ABCA13: variants seen among roughly 807,000 people sequenced by gnomAD.
The protein encoded by ABCA13 is ATP-binding cassette sub-family A member 13.
Under a neutral mutation model 478.7 loss-of-function variants are expected in ABCA13, and 476 were observed. The ratio of observed to expected loss-of-function variants is 0.99; its 90% CI spans 0.92 to 1.07. ABCA13 has a LOEUF of 1.07. ABCA13 is among the 50% of genes least tolerant of loss of function. ABCA13 has a pLI of 0.00. For synonymous variants in ABCA13, 2,252 were observed against 2,158.9 expected, an observed-to-expected ratio of 1.04 and a Z score of -1.20; for missense variants, 6,060 against 5,910.6, an observed-to-expected ratio of 1.03 and a Z score of -0.83.
At chr7:48,440,840 C>T (rs1014184643) in intron 42 of ABCA13, among the ~76,000 whole-genome samples, 3 of 151,746 alleles carry the variant, frequency 2.0e-5, no homozygotes, top group Admixed American at 6.6e-5. Context: ...AAATAAAACA[C>T]GTGCAATAAA....
chr7:48,305,548 T>G (rs1286721106), intron 23 of ABCA13, among the ~76,000 whole-genome samples: 7 of 152,206 alleles, frequency 4.6e-5, no homozygotes, highest in African/African-American at 1.7e-4. Flanking sequence ...TGAATCACTG[T>G]CCGTGTTTCC....
intron 57 of ABCA13, among the ~76,000 whole-genome samples, chr7:48,591,859 A>G (rs991595228): frequency 6.6e-6 from 1 of 151,774 alleles, no homozygotes; most frequent in African/African-American, 2.4e-5. Flanking sequence ...ATTCTAATGG[A>G]TTCTTTGGTG....
intron 5 of ABCA13, among the ~76,000 whole-genome samples, chr7:48,222,434 T>G (rs1697594249): frequency 6.6e-6 from 1 of 152,234 alleles, no homozygotes; most frequent in African/African-American, 2.4e-5. Flanking sequence ...TTTCTTGCTC[T>G]GTAATTGTTC....
chr7:48,198,481 AT>A, intron 3 of ABCA13, 121 bp downstream of exon 3: 11 of 1,167,780 alleles, frequency 9.4e-6, no homozygotes, highest in Non-Finnish European at 1.3e-5. Flanking sequence ...AAGTATAGAA[AT>A]TAAAGTTTTA....
At chr7:48,240,553 C>T (rs1790676726) in intron 9 of ABCA13, among the ~76,000 whole-genome samples, 2 of 151,980 alleles carry the variant, frequency 1.3e-5, no homozygotes, top group Admixed American at 6.6e-5. Flanking sequence ...TAAATATGTT[C>T]GTTTAGGTTT....
intron 15 of ABCA13, among the ~76,000 whole-genome samples, chr7:48,266,450 A>G (rs984476448): frequency 2.0e-5 from 3 of 151,804 alleles, no homozygotes; most frequent in Admixed American, 6.6e-5. Flanking sequence ...TTTAATATAC[A>G]TTAGGGCCAC....
intron 1 of ABCA13, among the ~76,000 whole-genome samples, chr7:48,177,775 C>T (rs1795083607): frequency 6.6e-6 from 1 of 152,172 alleles, no homozygotes; most frequent in Non-Finnish European, 1.5e-5. Flanking sequence ...AGTAATTCAA[C>T]TTCTGTTTGG....
intron 55 of ABCA13, among the ~76,000 whole-genome samples, chr7:48,577,720 G>A (rs535536440): frequency 2.4e-3 from 282 of 118,282 alleles, no homozygotes; most frequent in African/African-American, 9.3e-3. Flanking sequence ...ATGGTTAACT[G>A]TTTTTATGAG....
rs542082591 is a variant in ABCA13 at position 48,243,540 on chromosome 7, C to T, written c.1263-1036C>T. Among the ~76,000 whole-genome samples the T allele has an allele frequency of 2.2e-4, 33 of 152,274 alleles. 1 individual carries two copies. The highest frequency in any genetic ancestry group is 1.4e-3 in the Admixed American group (22 of 15,306). The stretch of plus-strand genomic sequence containing the variant: ...ATTGCTCCGCCTTGTAGGGTGATGA[C>T]GTGGGGATGGGTACCAGTTCCTGCT... On this transcript the variant is annotated intron_variant, in intron 10 of 61. Transcript: ENST00000435803.
intron 38 of ABCA13, among the ~76,000 whole-genome samples, chr7:48,395,755 A>G (rs1447422354): frequency 1.3e-5 from 2 of 152,194 alleles, no homozygotes; most frequent in Non-Finnish European, 2.9e-5. Flanking sequence ...AGCTTGCCTC[A>G]TTGTAAGCAT....
intron 55 of ABCA13, among the ~76,000 whole-genome samples, chr7:48,554,148 TG>T (rs1785564012): frequency 1.3e-5 from 2 of 152,052 alleles, no homozygotes; most frequent in South Asian, 4.1e-4. Flanking sequence ...TGTATGGATT[TG>T]TTTCTGGGAT....
intron 58 of ABCA13, among the ~76,000 whole-genome samples, chr7:48,611,668 A>G (rs1792039856): frequency 6.6e-6 from 1 of 152,136 alleles, no homozygotes; most frequent in Non-Finnish European, 1.5e-5. Context: ...TGAGAAAAGC[A>G]AGGGGGAAAT....
chr7:48,489,303 T>C lies in ABCA13; in HGVS notation c.13250T>C (p.Leu4417Ser). ...SYLNHLNNLI[L>S]WQHLPPTVDW... is the part of the protein sequence containing the mutation. ...TTAAATCATCTAAACAACCTTATTT[T>C]GTGGCAGCACCTACCCCCTACTGTG... Residue 4417 changes from leucine (L) to serine (S), a missense_variant, in exon 48 of 62, where the codon TTG (leucine) becomes TCG (serine). Transcript: ENST00000435803. The C allele has an allele frequency of 6.2e-7, 1 of 1,612,962 alleles. No individual in the cohort carries two copies.
intron 31 of ABCA13, among the ~76,000 whole-genome samples, chr7:48,359,921 A>C: frequency 6.6e-6 from 1 of 152,058 alleles, no homozygotes; most frequent in East Asian, 1.9e-4. Flanking sequence ...GGAAACCAAA[A>C]AGTCCACCTG....
intron 20 of ABCA13, among the ~76,000 whole-genome samples, chr7:48,294,432 T>G (rs572811636): frequency 3.2e-4 from 33 of 102,486 alleles, no homozygotes; most frequent in Admixed American, 1.1e-3. Context: ...TGGGTTTTTT[T>G]TTTTTTTTTG....
intron 43 of ABCA13, among the ~76,000 whole-genome samples, chr7:48,465,138 G>C (rs1464683034): frequency 6.6e-6 from 1 of 152,222 alleles, no homozygotes; most frequent in East Asian, 1.9e-4. Flanking sequence ...CCCTAGGATT[G>C]TGGAGGGATT....
chr7:48,274,958 C>T lies in ABCA13; in HGVS notation c.5292C>T (p.Asn1764=). ...TCCTGCAGGGAGTACCTGGTAAAAA[C>T]ATCACTGAAGGCCTCAAGGATGTCT... ...VRLLQGVPGK[N]ITEGLKDVYS... Residue 1764 remains asparagine, a synonymous_variant, in exon 17 of 62, where the codon AAC becomes AAT. Transcript: ENST00000435803. 6.2e-7 allele frequency: 1 copy of T among 1,613,810 alleles called. No homozygotes were observed. Among genetic ancestry groups the T allele is most frequent in the Non-Finnish European group, 8.5e-7 (1 of 1,179,740 alleles).
intron 45 of ABCA13, among the ~76,000 whole-genome samples, chr7:48,476,701 G>A (rs1006273052): frequency 9.9e-5 from 15 of 152,132 alleles, no homozygotes; most frequent in Admixed American, 5.9e-4. Flanking sequence ...TGGCCTTGAA[G>A]TAATCTTTTG....
intron 40 of ABCA13, 116 bp downstream of exon 40, chr7:48,410,793 G>T: frequency 7.2e-7 from 1 of 1,394,296 alleles, no homozygotes; most frequent in Non-Finnish European, 9.7e-7. Context: ...TGTGCACAAT[G>T]GCCCACATGC....
Sources: gnomAD v4.1 joint callset for allele counts (sites outside exome capture counted in the v4.1 genomes callset) on GRCh38, gnomAD v4.1.1 for gene constraint, MANE v1.5 for transcripts, NCBI Gene and HGNC (gene_info 2026-07-23, HGNC 2026-07-21) for gene names.